Variants in PTPRT observed in about 807,000 individuals in gnomAD.
PTPRT encodes protein tyrosine phosphatase receptor type T, also known as receptor-type tyrosine-protein phosphatase T.
In PTPRT, 56 loss-of-function variants were observed where a neutral mutation model predicts 176.8. That is an observed-to-expected ratio of 0.32 (90% CI 0.26 to 0.40). The LOEUF is 0.40. PTPRT is among the 10% of genes least tolerant of loss of function. The probability of loss-of-function intolerance (pLI) is 1.00; values close to 1 mark genes in which losing one functional copy is unlikely to be tolerated. For synonymous variants in PTPRT, 783 were observed against 739.0 expected, an observed-to-expected ratio of 1.06 and a Z score of -0.96; for missense variants, 1,540 against 1,908.2, an observed-to-expected ratio of 0.81 and a Z score of 3.60.
At chr20:42,214,499 AAGCAACAGCAGC>A (rs558052144) in intron 15 of PTPRT, among the ~76,000 whole-genome samples, 5 of 152,286 alleles carry the variant, frequency 3.3e-5, no homozygotes, top group Admixed American at 2.6e-4. Context: ...AAAGTTACAG[AAGCAACAGCAGC>A]AGCAACAGCA....
At chr20:42,447,394 T>C (rs2070752675) in intron 9 of PTPRT, among the ~76,000 whole-genome samples, 1 of 152,078 alleles carries the variant, frequency 6.6e-6, no homozygotes, top group Non-Finnish European at 1.5e-5. Flanking sequence ...GACACTAGGC[T>C]ACATCATTCC....
chr20:42,921,698 T>G (rs556439175), intron 1 of PTPRT, among the ~76,000 whole-genome samples: 36 of 152,354 alleles, frequency 2.4e-4, no homozygotes, highest in African/African-American at 8.4e-4. Flanking sequence ...GAAGGAATTC[T>G]GTAATCTATA....
chr20:43,124,636 A>G (rs368881946), intron 1 of PTPRT, among the ~76,000 whole-genome samples: 7 of 152,256 alleles, frequency 4.6e-5, no homozygotes, highest in African/African-American at 1.7e-4. Context: ...GGTAGGTAAC[A>G]GAGACAATCT....
chr20:42,625,396 T>C (rs926404591), intron 7 of PTPRT, among the ~76,000 whole-genome samples: 11 of 151,944 alleles, frequency 7.2e-5, no homozygotes, highest in African/African-American at 2.4e-4. Context: ...TTGAAACATA[T>C]AGAGCACCTA....
chr20:42,969,138 G>C (rs1181542912), intron 1 of PTPRT: 2 of 152,264 alleles, frequency 1.3e-5, no homozygotes, highest in South Asian at 2.1e-4. Context: ...TTGCCTAAAG[G>C]AAAATGCTCT....
At chr20:42,999,640 T>C (rs1043324737) in intron 1 of PTPRT, among the ~76,000 whole-genome samples, 30 of 150,206 alleles carry the variant, frequency 2.0e-4, no homozygotes, top group Middle Eastern at 3.4e-3. Context: ...GTTGTGGTGG[T>C]TGTTGTTGTT....
intron 1 of PTPRT, among the ~76,000 whole-genome samples, chr20:42,967,388 G>A (rs1252802332): frequency 6.6e-6 from 1 of 152,258 alleles, no homozygotes; most frequent in East Asian, 1.9e-4. Flanking sequence ...AAAAACAGAA[G>A]AGGAAAAGAC....
chr20:42,626,836 A>G (rs997848078), intron 7 of PTPRT, among the ~76,000 whole-genome samples: 13 of 152,176 alleles, frequency 8.5e-5, no homozygotes, highest in East Asian at 1.9e-4. Context: ...TGGGTCCCCA[A>G]TCTAGCAGTG....
chr20:43,048,234 G>A (rs1006182593), intron 1 of PTPRT, among the ~76,000 whole-genome samples: 6 of 152,092 alleles, frequency 3.9e-5, no homozygotes, highest in East Asian at 1.9e-4. Flanking sequence ...GGAAGGGGTC[G>A]CTCAGGAGGA....
In PTPRT at chr20:42,332,069, T is replaced by A. The variant is rs75711950; in HGVS notation, c.1866-16073A>T. On this transcript the variant is annotated intron_variant, in intron 11 of 30. Coordinates refer to ENST00000373187, the MANE Select transcript of PTPRT (RefSeq NM_007050.6). Reference sequence around the variant, plus strand: ...CAGTTTCACTTAAGAAGGTCCTCGATGAAGCAGTAAAAAGCATTAATTTTA... The same window carrying A: ...CAGTTTCACTTAAGAAGGTCCTCGAAGAAGCAGTAAAAAGCATTAATTTTA... Among the ~76,000 whole-genome samples, 920 of 152,286 alleles carry A rather than the reference T, an allele frequency of 6.0e-3. 4 individuals carry two copies. The highest frequency in any genetic ancestry group is 9.5e-3 in the Non-Finnish European group (643 of 68,022).
At chr20:42,606,141 A>C (rs76452420) in intron 7 of PTPRT, among the ~76,000 whole-genome samples, 3,948 of 152,306 alleles carry the variant, frequency 0.026, 89 homozygotes, top group Non-Finnish European at 0.039. Context: ...CTCTGGGCCC[A>C]GATTTTTCTC....
At chr20:42,665,028 C>T (rs1373514809) in intron 7 of PTPRT, among the ~76,000 whole-genome samples, 1 of 152,110 alleles carries the variant, frequency 6.6e-6, no homozygotes, top group African/African-American at 2.4e-5. Context: ...CCATTCAGGA[C>T]ATAGGCATGG....
At chr20:42,282,277 A>G (rs2057152669) in intron 13 of PTPRT, among the ~76,000 whole-genome samples, 1 of 152,188 alleles carries the variant, frequency 6.6e-6, no homozygotes, top group African/African-American at 2.4e-5. Context: ...CCATCCATTC[A>G]GTAAATATGT....
At chr20:43,026,909 CT>C (rs1985936627) in intron 1 of PTPRT, among the ~76,000 whole-genome samples, 1 of 152,150 alleles carries the variant, frequency 6.6e-6, no homozygotes, top group East Asian at 1.9e-4. Context: ...GTATCTCATT[CT>C]TTTTTATGGC....
chr20:42,419,846 T>G (rs2059101664), intron 9 of PTPRT, among the ~76,000 whole-genome samples: 1 of 152,090 alleles, frequency 6.6e-6, no homozygotes, highest in African/African-American at 2.4e-5. Flanking sequence ...ACTGGTGTCC[T>G]TATAAAGAGC....
intron 7 of PTPRT, among the ~76,000 whole-genome samples, chr20:42,568,384 T>C (rs553273340): frequency 6.6e-6 from 1 of 152,294 alleles, no homozygotes; most frequent in East Asian, 1.9e-4. Context: ...ATTATTATCC[T>C]CCACTTTACA....
intron 9 of PTPRT, among the ~76,000 whole-genome samples, chr20:42,367,391 A>T (rs905722136): frequency 6.6e-6 from 1 of 152,204 alleles, no homozygotes; most frequent in African/African-American, 2.4e-5. Flanking sequence ...ATTCATGTGG[A>T]GTCAATAACT....
chr20:42,999,582 C>T (rs1984418565), intron 1 of PTPRT, among the ~76,000 whole-genome samples: 1 of 150,266 alleles, frequency 6.7e-6, no homozygotes, highest in South Asian at 2.1e-4. Flanking sequence ...ATGGTGAGAC[C>T]CAGTCTCTAA....
At chr20:42,810,409 A>G (rs1343335403) in intron 2 of PTPRT, among the ~76,000 whole-genome samples, 5 of 152,190 alleles carry the variant, frequency 3.3e-5, no homozygotes, top group African/African-American at 9.7e-5. Flanking sequence ...GCCCACTTAT[A>G]CACACAAGGG....
Sources: gnomAD v4.1 joint callset for allele counts (sites outside exome capture counted in the v4.1 genomes callset) on GRCh38, gnomAD v4.1.1 for gene constraint, MANE v1.5 for transcripts, NCBI Gene and HGNC (gene_info 2026-07-23, HGNC 2026-07-21) for gene names.